Variants in TMED9 observed in about 807,000 individuals in gnomAD.
TMED9 encodes transmembrane emp24 domain-containing protein 9.
Under a neutral mutation model 30.6 loss-of-function variants are expected in TMED9, and 22 were observed. The ratio of observed to expected loss-of-function variants is 0.72; its 90% CI spans 0.51 to 1.03. TMED9 has a LOEUF of 1.03. Among genes scored for constraint, TMED9 ranks in the 50% least tolerant of loss-of-function variants. The pLI is 0.00. For missense variants in TMED9, 251 were observed against 302.1 expected (o/e 0.83, Z 1.25); for synonymous variants, 146 against 122.8 (o/e 1.19, Z -1.25).
At chr5:177,594,741 G>A (rs1407587631) in intron 4 of TMED9, among the ~76,000 whole-genome samples, 1 of 152,236 alleles carries the variant, frequency 6.6e-6, no homozygotes, top group African/African-American at 2.4e-5. Flanking sequence ...ATTTTTTCAA[G>A]AGGAAATAGG....
At chr5:177,592,802 T>C in intron 2 of TMED9, 127 bp downstream of exon 2, 1 of 683,378 alleles carries the variant, frequency 1.5e-6, no homozygotes, top group East Asian at 2.8e-5. Flanking sequence ...TCCTGCTGAC[T>C]TGCAGACCCC....
intron 4 of TMED9, among the ~76,000 whole-genome samples, chr5:177,595,052 A>T (rs1767663124): frequency 6.6e-6 from 1 of 152,224 alleles, no homozygotes; most frequent in African/African-American, 2.4e-5. Context: ...CCAGGGCAGG[A>T]CTAGGTGAGG....
In TMED9 at chr5:177,594,124, T is replaced by C; in HGVS notation, c.412-15T>C. ...GGGCTACCAGATTTCCCTTATCTCCTTTGTCTGTCCTCAGAGAGTTCACCT... is the reference window on the plus strand; with the variant it reads ...GGGCTACCAGATTTCCCTTATCTCCCTTGTCTGTCCTCAGAGAGTTCACCT... On this transcript the variant is annotated splice_polypyrimidine_tract_variant and intron_variant, in intron 3 of 4. Coordinates refer to ENST00000332598, the MANE Select transcript of TMED9 (RefSeq NM_017510.6). The C allele has an allele frequency of 6.2e-7, 1 of 1,614,024 alleles. No homozygotes were observed. The highest frequency in any genetic ancestry group is 1.3e-5 in the African/African-American group (1 of 75,066).
chr5:177,596,616 G>A lies in TMED9; in HGVS notation c.*1200G>A, dbSNP rs532786144. On this transcript the variant is annotated 3_prime_UTR_variant, in exon 5 of 5. Transcript: ENST00000332598. ...GAGGCAAACAGCTGGAATGGAGGTGGGTGGGTGTTTAATTTCAGCTGCAGA... is the reference window on the plus strand; with the variant it reads ...GAGGCAAACAGCTGGAATGGAGGTGAGTGGGTGTTTAATTTCAGCTGCAGA... Among the ~76,000 whole-genome samples, 2 of 152,302 alleles carry A rather than the reference G, an allele frequency of 1.3e-5. No individual in the cohort carries two copies. Among genetic ancestry groups the A allele is most frequent in the Admixed American group, 1.3e-4 (2 of 15,298 alleles).
rs745695799 is a variant in TMED9, at chr5:177,592,313, G to T, written c.99G>T (p.Thr33=). ...TCCTGCTGGTGCTGTGGCTGGCGAC[G>T]CGCGGAAGCGCGCTCTACTTTCACA... ...RTLLLVLWLA[T]RGSALYFHIG... is the part of the protein sequence containing the mutation. Residue 33 remains threonine (T), a synonymous_variant, in exon 1 of 5, where the codon ACG becomes ACT. Coordinates refer to ENST00000332598, the MANE Select transcript of TMED9 (RefSeq NM_017510.6). The T allele has an allele frequency of 1.9e-6, 3 of 1,605,850 alleles. No homozygotes were observed. Among genetic ancestry groups the T allele is most frequent in the South Asian group, 1.1e-5 (1 of 89,772 alleles).
Position 177,592,403 on chromosome 5 carries a change from G to C in TMED9, c.184+5G>C, listed in dbSNP as rs1211924204. 5 of 1,592,906 alleles carry C rather than the reference G, an allele frequency of 3.1e-6. No individual in the cohort carries two copies. Among genetic ancestry groups the C allele is most frequent in the African/African-American group, 2.7e-5 (2 of 74,634 alleles). ...CGGACGAGACCATGGTCATAGGTGCGGGGGCGGGGAGGAAGGGGCGAGTTT... is the reference window on the plus strand; with the variant it reads ...CGGACGAGACCATGGTCATAGGTGCCGGGGCGGGGAGGAAGGGGCGAGTTT... On this transcript the variant is annotated splice_donor_5th_base_variant and intron_variant, in intron 1 of 4. Coordinates refer to ENST00000332598, the MANE Select transcript of TMED9 (RefSeq NM_017510.6).
intron 2 of TMED9, 101 bp from the exon 3 acceptor site, chr5:177,593,549 C>G: frequency 6.9e-7 from 1 of 1,455,278 alleles, no homozygotes; most frequent in Non-Finnish European, 9.5e-7. Flanking sequence ...GTGCGAAAGG[C>G]TGTGCCTGTC....
Position 177,595,251 on chromosome 5 carries a change from T to G in TMED9, c.559-16T>G, listed in dbSNP as rs1279470342. The stretch of plus-strand genomic sequence containing the variant: ...CAGCCCCAGCCAACTCAGGCTCACC[T>G]TATATTCCCCTGCAGTGGCGAGAGG... On this transcript the variant is annotated splice_polypyrimidine_tract_variant and intron_variant, in intron 4 of 4. Transcript: ENST00000332598. 1.9e-6 allele frequency: 3 copies of G among 1,551,136 alleles called. No individual in the cohort carries two copies. The highest frequency in any genetic ancestry group is 2.6e-6 in the Non-Finnish European group (3 of 1,139,574).
Position 177,597,099 on chromosome 5 carries a change from A to T in TMED9, c.*1683A>T, listed in dbSNP as rs764462207. Reference sequence around the variant, plus strand: ...GCAATCTGGGCTCATGCTGCCAACTAATTCTTCCACATGAAAAAAAAAAGT... The same window carrying T: ...GCAATCTGGGCTCATGCTGCCAACTTATTCTTCCACATGAAAAAAAAAAGT... On this transcript the variant is annotated 3_prime_UTR_variant, in exon 5 of 5. Transcript: ENST00000332598. 2.2e-5 allele frequency among the ~76,000 whole-genome samples: 3 copies of T among 136,756 alleles called. No homozygotes were observed. In the East Asian group the frequency reaches 6.5e-4, roughly 29 times the overall value. 89.7% of individuals were successfully genotyped at this position (136,756 alleles called of 152,430 possible).
At position 177,593,653 on chromosome 5, in the gene TMED9, A is replaced by C. The variant is rs1357650900; in HGVS notation, c.289A>C (p.Ile97Leu). ...GAAGCTTGTTACCTTCCTCCAGGTC[A>C]TCCTGGCCCGGCAGTATGGCTCCGA... ...VEVKDPEDKVILARQYGSEGR... is the reference protein window; with the variant it reads ...VEVKDPEDKVLLARQYGSEGR... Residue 97 changes from isoleucine (I) to leucine (L), a missense_variant, in exon 3 of 5, where the codon ATC (isoleucine) becomes CTC (leucine). Ile to Leu is a conservative substitution (Grantham distance 5). Around this residue, in one of 2 missense-constraint regions of TMED9, gnomAD observed 153 missense variants for 239.6 expected, o/e 0.64. Transcript: ENST00000332598. The C allele has an allele frequency of 6.2e-7, 1 of 1,614,162 alleles. No homozygotes were observed. The highest frequency in any genetic ancestry group is 8.5e-7 in the Non-Finnish European group (1 of 1,180,012).
chr5:177,592,260 A>G lies in TMED9; in HGVS notation c.46A>G (p.Thr16Ala), dbSNP rs1224571209. 1.7e-5 allele frequency: 28 copies of G among 1,611,592 alleles called. No individual in the cohort carries two copies. The highest frequency in any genetic ancestry group is 2.3e-5 in the Non-Finnish European group (27 of 1,179,132). ...GVLLVRPRPG[T>A]GLGRVMRTLL... ...GCTGCTCGTCCGGCCCCGGCCCGGA[A>G]CCGGGCTGGGTAGAGTGATGCGGAC... is the stretch of plus-strand genomic sequence containing the variant. The change falls in exon 1 of 5, where the codon ACC (threonine) becomes GCC (alanine). Residue 16 changes from threonine (T) to alanine (A), a missense_variant. This residue lies in a region of TMED9 where 98 missense variants were observed against 62.5 expected (regional missense o/e 1.57). Coordinates refer to ENST00000332598, the MANE Select transcript of TMED9 (RefSeq NM_017510.6).
In TMED9 at chr5:177,595,411, G is replaced by T; in HGVS notation, c.703G>T (p.Val235Leu). 6.2e-7 allele frequency: 1 copy of T among 1,608,636 alleles called. No individual in the cohort carries two copies. The highest frequency in any genetic ancestry group is 8.5e-7 in the Non-Finnish European group (1 of 1,176,112). The stretch of plus-strand genomic sequence containing the variant: ...GAGCTTCTTTGAAGCCAAGAAGCTT[G>T]TGTAGCTGTCCCAGGCGTCACAACC... ...LKSFFEAKKLV is the reference protein window; with the variant it reads ...LKSFFEAKKLL The change falls in exon 5 of 5, where the codon GTG becomes TTG. Residue 235 changes from valine (V) to leucine (L), a missense_variant. Val to Leu is a conservative substitution (Grantham distance 32). Coordinates refer to ENST00000332598, the MANE Select transcript of TMED9 (RefSeq NM_017510.6).
In TMED9 at chr5:177,595,632, G is replaced by C. The variant is rs145382488; in HGVS notation, c.*216G>C. 7.3e-4 allele frequency: 290 copies of C among 394,590 alleles called. No homozygotes were observed. Among genetic ancestry groups the C allele is most frequent in the African/African-American group, 5.3e-3 (257 of 48,150 alleles). 24.4% of individuals were successfully genotyped at this position (394,590 alleles called of 1,614,324 possible). A position where few individuals can be genotyped will look rare whatever the true frequency, so the allele number is the denominator to read the frequency against. On this transcript the variant is annotated 3_prime_UTR_variant, in exon 5 of 5. Transcript: ENST00000332598. ...GCCCTCTCTCTCTGGCCTCTGGGCC[G>C]TTTGGTAGTAATCACCCAAGGGCTG...
At chr5:177,593,903 C>T in intron 3 of TMED9, 128 bp downstream of exon 3, 8 of 1,374,484 alleles carry the variant, frequency 5.8e-6, no homozygotes, top group Non-Finnish European at 8.0e-6. Flanking sequence ...ACTGGGTTTC[C>T]ACTGGATGTC....
rs781487309 is a variant in TMED9 at position 177,595,359 on chromosome 5, C to T, written c.651C>T (p.Ile217=). 26 of 1,612,838 alleles carry T rather than the reference C, an allele frequency of 1.6e-5. No individual in the cohort carries two copies. The highest frequency in any genetic ancestry group is 1.6e-4 in the African/African-American group (12 of 74,900). The change falls in exon 5 of 5, where the codon ATC becomes ATT. Residue 217 remains isoleucine (I), a synonymous_variant. Transcript: ENST00000332598. ...SILQTLILVA[I]GVWQMRHLKS... is the part of the protein sequence containing the mutation. ...TGCAGACCCTCATCCTCGTGGCCAT[C>T]GGTGTCTGGCAGATGCGGCACCTCA...
At chr5:177,594,457 G>A (rs953213878) in intron 4 of TMED9, among the ~76,000 whole-genome samples, 172 bp downstream of exon 4, 4 of 152,346 alleles carry the variant, frequency 2.6e-5, no homozygotes, top group South Asian at 4.1e-4. Flanking sequence ...ATACAGACTC[G>A]TAAGAGGCTG....
rs1217497397 is a variant in TMED9 at position 177,592,404 on chromosome 5, G to C, written c.184+6G>C. ...GGACGAGACCATGGTCATAGGTGCG[G>C]GGGCGGGGAGGAAGGGGCGAGTTTG... On this transcript the variant is annotated splice_donor_region_variant and intron_variant, in intron 1 of 4. Coordinates refer to ENST00000332598, the MANE Select transcript of TMED9 (RefSeq NM_017510.6). 56 of 1,591,450 alleles carry C rather than the reference G, an allele frequency of 3.5e-5. No individual in the cohort carries two copies. Among genetic ancestry groups the C allele is most frequent in the Non-Finnish European group, 4.7e-5 (55 of 1,168,698 alleles).
At chr5:177,594,425 T>C in intron 4 of TMED9, 140 bp downstream of exon 4, 1 of 977,582 alleles carries the variant, frequency 1.0e-6, no homozygotes. Context: ...CGGGTATTAC[T>C]AACTCGACCT....
intron 2 of TMED9, 179 bp from the exon 3 acceptor site, chr5:177,593,471 C>A: frequency 1.4e-6 from 1 of 730,862 alleles, no homozygotes; most frequent in East Asian, 2.6e-5. Context: ...AACACCTGCC[C>A]CAGAGAGTTC....
Sources: gnomAD v4.1 joint callset for allele counts (sites outside exome capture counted in the v4.1 genomes callset) on GRCh38, gnomAD v4.1.1 for gene constraint, gnomAD v4.1.1 regional missense constraint, MANE v1.5 for transcripts, NCBI Gene and HGNC (gene_info 2026-07-23, HGNC 2026-07-21) for gene names.